Variants in PRKG1 observed in about 807,000 individuals in gnomAD.
PRKG1 encodes the protein protein kinase cGMP-dependent 1.
Under a neutral mutation model 88.1 loss-of-function variants are expected in PRKG1, and 35 were observed. The observed-to-expected ratio is 0.40, with a 90% CI of 0.30 to 0.53. PRKG1 has a LOEUF of 0.53. Ranked by LOEUF, PRKG1 falls within the 20% of genes least tolerant of loss-of-function variation. The pLI is 0.59. For missense variants in PRKG1, 540 were observed against 839.8 expected, an observed-to-expected ratio of 0.64 and a Z score of 4.41; for synonymous variants, 303 against 292.5, an observed-to-expected ratio of 1.04 and a Z score of -0.37.
At chr10:51,585,137 T>G (rs1176716622) in intron 3 of PRKG1, among the ~76,000 whole-genome samples, 1 of 152,044 alleles carries the variant, frequency 6.6e-6, no homozygotes, top group Non-Finnish European at 1.5e-5. Context: ...TAATGAATTA[T>G]AAAACAGGGA....
intron 3 of PRKG1, among the ~76,000 whole-genome samples, chr10:51,736,574 C>T (rs1306262390): frequency 6.6e-6 from 1 of 151,572 alleles, no homozygotes; most frequent in East Asian, 1.9e-4. Flanking sequence ...CATAGTTATC[C>T]ATCACCCTAT....
At chr10:52,253,322 G>T (rs971213211) in intron 10 of PRKG1, 3 of 151,906 alleles carry the variant, frequency 2.0e-5, no homozygotes, top group Non-Finnish European at 2.9e-5. Flanking sequence ...GATATTACAT[G>T]AAATATAGGA....
At chr10:51,882,476 G>A (rs1263172294) in intron 4 of PRKG1, among the ~76,000 whole-genome samples, 1 of 152,130 alleles carries the variant, frequency 6.6e-6, no homozygotes, top group African/African-American at 2.4e-5. Flanking sequence ...TTGTATGTTA[G>A]GTGCTGAAAT....
At chr10:51,685,715 A>G (rs1192442534) in intron 3 of PRKG1, among the ~76,000 whole-genome samples, 1 of 152,216 alleles carries the variant, frequency 6.6e-6, no homozygotes, top group Non-Finnish European at 1.5e-5. Flanking sequence ...GGTGGGGAAG[A>G]CACAGAAGAC....
chr10:51,583,507 A>G (rs1023772292), intron 3 of PRKG1, among the ~76,000 whole-genome samples: 1 of 152,080 alleles, frequency 6.6e-6, no homozygotes, highest in Non-Finnish European at 1.5e-5. Context: ...CATGAAACCC[A>G]TTAGTAGGTC....
intron 1 of PRKG1, among the ~76,000 whole-genome samples, chr10:51,139,512 TG>T (rs1350191330): frequency 6.6e-6 from 1 of 152,156 alleles, no homozygotes; most frequent in Non-Finnish European, 1.5e-5. Flanking sequence ...ACCTCTCTCT[TG>T]ACCCCACCTC....
chr10:51,512,912 T>C (rs944206436), intron 3 of PRKG1, among the ~76,000 whole-genome samples: 2 of 121,870 alleles, frequency 1.6e-5, no homozygotes, highest in African/African-American at 6.5e-5. Context: ...TGATAACTCA[T>C]AGTGGTTTTG....
At chr10:51,724,989 C>G (rs1842098856) in intron 3 of PRKG1, among the ~76,000 whole-genome samples, 1 of 149,578 alleles carries the variant, frequency 6.7e-6, no homozygotes, top group African/African-American at 2.5e-5. Flanking sequence ...GGATTGCAGG[C>G]GTGAGCCACT....
At chr10:51,923,079 G>A (rs187258902) in intron 5 of PRKG1, among the ~76,000 whole-genome samples, 99 of 152,010 alleles carry the variant, frequency 6.5e-4, no homozygotes, top group Non-Finnish European at 9.7e-4. Context: ...GTGCTCTGTC[G>A]TTAGGTTTAT....
At chr10:51,583,334 C>T (rs1672927735) in intron 3 of PRKG1, among the ~76,000 whole-genome samples, 2 of 152,166 alleles carry the variant, frequency 1.3e-5, no homozygotes, top group South Asian at 4.1e-4. Flanking sequence ...AATTCTCTGT[C>T]GATGAAATAT....
chr10:52,240,800 A>C (rs952484590), intron 9 of PRKG1, among the ~76,000 whole-genome samples: 1 of 152,166 alleles, frequency 6.6e-6, no homozygotes, highest in Admixed American at 6.5e-5. Context: ...TGGTGTTCTC[A>C]AAGACCATTT....
At chr10:51,375,686 T>C (rs1035432597) in intron 2 of PRKG1, among the ~76,000 whole-genome samples, 1 of 152,148 alleles carries the variant, frequency 6.6e-6, no homozygotes, top group South Asian at 2.1e-4. Context: ...CCTACCCTGA[T>C]GCTGATTACA....
At chr10:51,816,806 C>T (rs573587099) in intron 4 of PRKG1, among the ~76,000 whole-genome samples, 1 of 152,158 alleles carries the variant, frequency 6.6e-6, no homozygotes, top group Non-Finnish European at 1.5e-5. Context: ...ACTTTTCAAG[C>T]AATTGAATAA....
chr10:51,867,298 T>C (rs1183771788), intron 4 of PRKG1, among the ~76,000 whole-genome samples: 1 of 152,166 alleles, frequency 6.6e-6, no homozygotes, highest in Admixed American at 6.6e-5. Flanking sequence ...TTATGTTCCA[T>C]GCTAAATAAT....
intron 9 of PRKG1, among the ~76,000 whole-genome samples, chr10:52,166,917 A>ACT (rs796309788): frequency 7.5e-6 from 1 of 132,830 alleles, no homozygotes; most frequent in Non-Finnish European, 1.5e-5. Flanking sequence ...ACACACACAC[A>ACT]TATATATAAG....
chr10:51,324,524 A>C (rs1242480881), intron 2 of PRKG1, among the ~76,000 whole-genome samples: 1 of 151,162 alleles, frequency 6.6e-6, no homozygotes, highest in East Asian at 1.9e-4. Context: ...TCAGGAGATC[A>C]AGACCATCCT....
chr10:51,347,561 T>C (rs1375257799), intron 2 of PRKG1, among the ~76,000 whole-genome samples: 3 of 152,200 alleles, frequency 2.0e-5, no homozygotes, highest in Non-Finnish European at 4.4e-5. Context: ...GAAAATGTGA[T>C]AGTTTCTCGT....
intron 2 of PRKG1, among the ~76,000 whole-genome samples, chr10:51,189,482 T>TA (rs1336786919): frequency 4.6e-5 from 7 of 151,844 alleles, no homozygotes; most frequent in African/African-American, 1.7e-4. Flanking sequence ...TGGTGGAGAA[T>TA]AAAACTAGTT....
At position 51,575,203 on chromosome 10, in the gene PRKG1, G is replaced by T. The variant is rs1487054634; in HGVS notation, c.592+107367G>T. Among the ~76,000 whole-genome samples, 7 of 152,018 alleles carry T rather than the reference G, an allele frequency of 4.6e-5. No individual in the cohort carries two copies. The East Asian group carries it at 1.4e-3, about 29-fold the overall frequency. ...TGCTTGCTTTCAAAGTGACAAGGGG[G>T]ATCACAATGTAAGATTACAGTATTT... On this transcript the variant is annotated intron_variant, in intron 3 of 17. Coordinates refer to ENST00000373980, the MANE Select transcript of PRKG1 (RefSeq NM_006258.4).
Sources: allele counts gnomAD v4.1 joint callset (sites outside exome capture counted in the v4.1 genomes callset), GRCh38; gene constraint gnomAD v4.1.1; transcripts MANE v1.5; gene names NCBI Gene and HGNC (gene_info 2026-07-23, HGNC 2026-07-21).